LMO2: variants seen among roughly 807,000 people sequenced by gnomAD.
LMO2 encodes the protein LIM domain only 2.
A neutral mutation model predicts 23.2 loss-of-function variants in LMO2; 20 were observed. The ratio of observed to expected loss-of-function variants is 0.86; its 90% CI spans 0.61 to 1.25. The LOEUF (loss-of-function observed/expected upper bound fraction) is 1.25. Among genes scored for constraint, LMO2 ranks in the 50% most tolerant of loss-of-function variants. LMO2 has a pLI of 0.00. For synonymous variants in LMO2, 123 were observed against 130.2 expected (o/e 0.94, Z 0.38); for missense variants, 270 against 315.3 (o/e 0.86, Z 1.09).
At chr11:33,878,676 C>G (rs540426990) in intron 2 of LMO2, among the ~76,000 whole-genome samples, 14 of 152,332 alleles carry the variant, frequency 9.2e-5, no homozygotes, top group African/African-American at 3.1e-4. Context: ...CCAGATCAAG[C>G]TACATCTTTA....
chr11:33,869,595 G>C lies in LMO2; in HGVS notation c.8-9C>G. The C allele has an allele frequency of 7.8e-7, 1 of 1,283,080 alleles. No individual in the cohort carries two copies. The highest frequency in any genetic ancestry group is 9.9e-7 in the Non-Finnish European group (1 of 1,005,190). The allele number at this position is 1,283,080 out of a possible 1,614,324, so 79.5% of individuals were successfully genotyped here. ...GACAGTCACCGCGCTCCCTTCAAAC[G>C]CCAAAGAGAGAGAGCGAATCACCGG... On this transcript the variant is annotated splice_polypyrimidine_tract_variant and intron_variant, in intron 3 of 5. Coordinates refer to ENST00000257818, the MANE Select transcript of LMO2 (RefSeq NM_005574.4).
At chr11:33,878,707 C>T (rs1857195025) in intron 2 of LMO2, among the ~76,000 whole-genome samples, 1 of 152,200 alleles carries the variant, frequency 6.6e-6, no homozygotes, top group African/African-American at 2.4e-5. Context: ...TTCTCTGTCC[C>T]CTGAAGCTCA....
chr11:33,890,096 A>G (rs926620974), intron 1 of LMO2, among the ~76,000 whole-genome samples: 4 of 152,214 alleles, frequency 2.6e-5, no homozygotes, highest in Non-Finnish European at 5.9e-5. Flanking sequence ...AATAATGTGA[A>G]CACATGGCAT....
chr11:33,865,985 A>G (rs1211706979), intron 4 of LMO2, among the ~76,000 whole-genome samples: 1 of 152,238 alleles, frequency 6.6e-6, no homozygotes, highest in Non-Finnish European at 1.5e-5. Context: ...CAAAAAACAG[A>G]CCTTCTTCCA....
In LMO2 at chr11:33,878,325, C is replaced by T. The variant is rs942871955; in HGVS notation, c.-272+3499G>A. ...CACTGTGTTACTCTTTTCTCTCTAT[C>T]GGGGATGTCTGCTTTCTCCCTGTTC... On this transcript the variant is annotated intron_variant, in intron 2 of 5. Coordinates refer to ENST00000257818, the MANE Select transcript of LMO2 (RefSeq NM_005574.4). Among the ~76,000 whole-genome samples, 4 of 152,170 alleles carry T rather than the reference C, an allele frequency of 2.6e-5. No individual in the cohort carries two copies. The South Asian group carries it at 6.2e-4, about 24-fold the overall frequency.
At chr11:33,879,824 A>G in intron 2 of LMO2, among the ~76,000 whole-genome samples, 1 of 152,214 alleles carries the variant, frequency 6.6e-6, no homozygotes, top group East Asian at 1.9e-4. Flanking sequence ...ACCCATTAGG[A>G]TGGCTAATGC....
rs1489529963 is a variant in LMO2, at chr11:33,861,509, G to A, written c.465-1934C>T. 3.3e-5 allele frequency among the ~76,000 whole-genome samples: 5 copies of A among 152,138 alleles called. No individual in the cohort carries two copies. The South Asian group carries it at 6.2e-4, about 19-fold the overall frequency. ...GATCTCTGAGTGTTTTCAAAGCACCGCCTGGGAGCAAACTCATTACTGGGG... is the reference window on the plus strand; with the variant it reads ...GATCTCTGAGTGTTTTCAAAGCACCACCTGGGAGCAAACTCATTACTGGGG... On this transcript the variant is annotated intron_variant, in intron 5 of 5. Coordinates refer to ENST00000257818, the MANE Select transcript of LMO2 (RefSeq NM_005574.4).
chr11:33,869,898 G>C lies in LMO2; in HGVS notation c.-182C>G, dbSNP rs1856961987. The C allele has an allele frequency of 9.5e-7, 1 of 1,050,444 alleles. No homozygotes were observed. Among genetic ancestry groups the C allele is most frequent in the Admixed American group, 5.5e-5 (1 of 18,230 alleles). The allele number at this position is 1,050,444 out of a possible 1,614,324, so 65.1% of individuals were successfully genotyped here. On this transcript the variant is annotated 5_prime_UTR_variant, in exon 3 of 6. Coordinates refer to ENST00000257818, the MANE Select transcript of LMO2 (RefSeq NM_005574.4). ...GGCGGCGGCCTAGGGGCGGGGAGGG[G>C]ACCGTGCGTCTCTCTCCGGGCTTCC...
intron 2 of LMO2, among the ~76,000 whole-genome samples, chr11:33,875,394 G>A (rs923945412): frequency 3.3e-5 from 5 of 152,090 alleles, no homozygotes; most frequent in African/African-American, 1.2e-4. Flanking sequence ...CCTGGCCAAC[G>A]TGATGAAACC....
chr11:33,866,244 A>G (rs1437511710), intron 4 of LMO2, among the ~76,000 whole-genome samples: 1 of 152,222 alleles, frequency 6.6e-6, no homozygotes, highest in African/African-American at 2.4e-5. Context: ...TAGGAGTGCT[A>G]AAGCCATGCC....
At chr11:33,883,950 T>G (rs1185353225) in intron 1 of LMO2, among the ~76,000 whole-genome samples, 1 of 152,092 alleles carries the variant, frequency 6.6e-6, no homozygotes, top group African/African-American at 2.4e-5. Context: ...TTGGAGGAGC[T>G]GGAGGTGCAG....
intron 5 of LMO2, among the ~76,000 whole-genome samples, chr11:33,861,247 C>T (rs893640119): frequency 6.6e-6 from 1 of 152,168 alleles, no homozygotes; most frequent in African/African-American, 2.4e-5. Flanking sequence ...CTACATAAAA[C>T]CTTTAGGACA....
intron 2 of LMO2, among the ~76,000 whole-genome samples, chr11:33,878,670 A>T (rs2133709060): frequency 6.6e-6 from 1 of 152,320 alleles, no homozygotes; most frequent in Middle Eastern, 3.4e-3. Context: ...GTGGACCCAG[A>T]TCAAGCTACA....
intron 1 of LMO2, among the ~76,000 whole-genome samples, chr11:33,890,477 G>A (rs565561964): frequency 6.6e-6 from 1 of 152,114 alleles, no homozygotes; most frequent in South Asian, 2.1e-4. Context: ...TCAGCCTCCC[G>A]AGTAGCTGGG....
At chr11:33,860,887 C>T (rs571411648) in intron 5 of LMO2, among the ~76,000 whole-genome samples, 25 of 152,358 alleles carry the variant, frequency 1.6e-4, no homozygotes, top group South Asian at 4.1e-4. Context: ...TTAATGAACA[C>T]TTCCGGGGGA....
At chr11:33,881,071 T>C (rs983988429) in intron 2 of LMO2, 5 of 413,960 alleles carry the variant, frequency 1.2e-5, no homozygotes, top group Admixed American at 5.8e-5. Flanking sequence ...AATCCCATAC[T>C]TAGAGTATAG....
rs1401647022 is a variant in LMO2, at chr11:33,881,882, T to C, written c.-330A>G. ...GAAAAATATCTTCTTTTCAGAGCAG[T>C]TGTTACTGAAAGAAAATGAGAGGAA... On this transcript the variant is annotated 5_prime_UTR_variant, in exon 2 of 6. Coordinates refer to ENST00000257818, the MANE Select transcript of LMO2 (RefSeq NM_005574.4). 1 of 157,518 alleles carries C rather than the reference T, an allele frequency of 6.3e-6. No individual in the cohort carries two copies. Among genetic ancestry groups the C allele is most frequent in the Non-Finnish European group, 1.4e-5 (1 of 71,454 alleles). 9.8% of individuals were successfully genotyped at this position (157,518 alleles called of 1,614,324 possible).
intron 2 of LMO2, among the ~76,000 whole-genome samples, chr11:33,877,871 CA>C (rs3837371): frequency 6.7e-6 from 1 of 150,014 alleles, no homozygotes; most frequent in African/African-American, 2.4e-5. Flanking sequence ...TATCCTTTGG[CA>C]AAAAAAAACA....
chr11:33,862,572 G>C (rs1044094668), intron 5 of LMO2, among the ~76,000 whole-genome samples: 1 of 150,202 alleles, frequency 6.7e-6, no homozygotes, highest in Admixed American at 6.7e-5. Context: ...AGGCAACTCA[G>C]CCATTGGAAA....
Sources: gnomAD v4.1 joint callset for allele counts (sites outside exome capture counted in the v4.1 genomes callset) on GRCh38, gnomAD v4.1.1 for gene constraint, MANE v1.5 for transcripts, NCBI Gene and HGNC (gene_info 2026-07-23, HGNC 2026-07-21) for gene names.